The following STK10 variants were observed in gnomAD, a reference collection of about 807,000 sequenced individuals.
The protein encoded by STK10 is serine/threonine kinase 10, also known as serine/threonine-protein kinase 10.
In STK10, 78 loss-of-function variants were observed where a neutral mutation model predicts 113.8. The ratio of observed to expected loss-of-function variants is 0.69; its 90% CI spans 0.57 to 0.83. The LOEUF (loss-of-function observed/expected upper bound fraction) is 0.83. Among genes scored for constraint, STK10 ranks in the 40% least tolerant of loss-of-function variants. STK10 has a pLI of 0.00. For synonymous variants in STK10, 465 were observed against 494.7 expected (o/e 0.94, Z 0.80); for missense variants, 1,109 against 1,280.1 (o/e 0.87, Z 2.04).
At chr5:172,052,664 G>T (rs879258881) in intron 18 of STK10, among the ~76,000 whole-genome samples, 1 of 152,242 alleles carries the variant, frequency 6.6e-6, no homozygotes, top group Non-Finnish European at 1.5e-5. Flanking sequence ...ACTCACTGCA[G>T]CGTCCTCTGT....
intron 13 of STK10, chr5:172,064,518 T>G (rs2113706707): frequency 1.6e-6 from 1 of 608,060 alleles, no homozygotes; most frequent in East Asian, 2.8e-5. Flanking sequence ...ATGGAAGAGC[T>G]TACTTCCAGA....
intron 4 of STK10, among the ~76,000 whole-genome samples, chr5:172,113,221 G>T (rs543369333): frequency 2.6e-5 from 4 of 151,742 alleles, no homozygotes; most frequent in East Asian, 1.9e-4. Context: ...CACTGCACTG[G>T]GGGGGGTGTC....
At position 172,180,419 on chromosome 5, in the gene STK10, C is replaced by T. The variant is rs141268469; in HGVS notation, c.156+7468G>A. 9.2e-3 allele frequency among the ~76,000 whole-genome samples: 1,401 copies of T among 152,096 alleles called. 28 individuals are homozygous for T. The highest frequency in any genetic ancestry group is 0.032 in the African/African-American group (1,339 of 41,474). ...GGCGGAGGTTGCAGTAAGCCGAGTT[C>T]GTGCCACTGCACTCCAGCCTGGGCG... On this transcript the variant is annotated intron_variant, in intron 1 of 18. Coordinates refer to ENST00000176763, the MANE Select transcript of STK10 (RefSeq NM_005990.4).
chr5:172,137,941 C>A (rs1769900951), intron 2 of STK10, among the ~76,000 whole-genome samples: 1 of 149,238 alleles, frequency 6.7e-6, no homozygotes, highest in Admixed American at 6.7e-5. Flanking sequence ...ATTAAAAATG[C>A]ACAATTAACA....
intron 1 of STK10, among the ~76,000 whole-genome samples, chr5:172,170,374 G>GGA (rs1401871698): frequency 6.6e-6 from 1 of 152,148 alleles, no homozygotes; most frequent in East Asian, 1.9e-4. Context: ...GATGTACACA[G>GGA]CTGAGTCCTG....
chr5:172,136,583 C>T (rs542254512), intron 2 of STK10, among the ~76,000 whole-genome samples: 1 of 150,164 alleles, frequency 6.7e-6, no homozygotes, highest in East Asian at 1.9e-4. Flanking sequence ...GGCGACAGAG[C>T]GAGACTCCGT....
chr5:172,051,571 G>GC (rs938139155), intron 18 of STK10, among the ~76,000 whole-genome samples: 3 of 152,230 alleles, frequency 2.0e-5, no homozygotes, highest in African/African-American at 7.2e-5. Flanking sequence ...GTTGCAGTGA[G>GC]CTGAGATGGC....
rs551539428 is a variant in STK10, at chr5:172,065,114, T to G, written c.1990-302A>C. On this transcript the variant is annotated intron_variant, in intron 12 of 18. Transcript: ENST00000176763. Reference sequence around the variant, plus strand: ...ACCTCAGTTTCCTGCAGGGAAGTGTTTCTCAACCTTTTTAAAAAATTACAG... The same window carrying G: ...ACCTCAGTTTCCTGCAGGGAAGTGTGTCTCAACCTTTTTAAAAAATTACAG... 4.6e-5 allele frequency among the ~76,000 whole-genome samples: 7 copies of G among 152,284 alleles called. 1 individual carries two copies. In the East Asian group the frequency reaches 1.4e-3, roughly 29 times the overall value.
chr5:172,181,766 G>A (rs923850948), intron 1 of STK10, among the ~76,000 whole-genome samples: 7 of 151,790 alleles, frequency 4.6e-5, no homozygotes, highest in Non-Finnish European at 8.8e-5. Context: ...AGCCAAGATC[G>A]CGCTAATGCA....
At chr5:172,173,551 G>A (rs6884456) in intron 1 of STK10, among the ~76,000 whole-genome samples, 70,617 of 152,056 alleles carry the variant, frequency 0.46, 18,838 homozygotes, top group African/African-American at 0.75. Context: ...GGGCAGGCAC[G>A]GAGCTGAGAC....
rs1292764710 is a variant in STK10 at position 172,053,713 on chromosome 5, G to A, written c.2653-671C>T. Among the ~76,000 whole-genome samples the A allele has an allele frequency of 2.0e-5, 3 of 152,236 alleles. No individual in the cohort carries two copies. In the East Asian group the frequency reaches 5.8e-4, roughly 29 times the overall value. Reference sequence around the variant, plus strand: ...TTTATCCAGATACCACGACCCTACTGGGTTGGAAAAGTAGAATCCTTTGGG... The same window carrying A: ...TTTATCCAGATACCACGACCCTACTAGGTTGGAAAAGTAGAATCCTTTGGG... On this transcript the variant is annotated intron_variant, in intron 17 of 18. Coordinates refer to ENST00000176763, the MANE Select transcript of STK10 (RefSeq NM_005990.4).
intron 2 of STK10, among the ~76,000 whole-genome samples, chr5:172,150,277 T>G (rs112313645): frequency 8.6e-5 from 13 of 151,148 alleles, no homozygotes; most frequent in African/African-American, 2.4e-4. Context: ...GGTCAGGAGT[T>G]CAAGAACAGT....
chr5:172,127,204 C>T (rs1432897325), intron 3 of STK10, among the ~76,000 whole-genome samples, 169 bp downstream of exon 3: 2 of 152,092 alleles, frequency 1.3e-5, no homozygotes, highest in Non-Finnish European at 2.9e-5. Context: ...AGAACCCACA[C>T]CCTGCTCCCA....
At chr5:172,057,327 C>A in intron 15 of STK10, 22 bp downstream of exon 15, 1 of 1,577,796 alleles carries the variant, frequency 6.3e-7, no homozygotes, top group Non-Finnish European at 8.6e-7. Flanking sequence ...AGATCCGAGC[C>A]CCGTGCCACC....
At chr5:172,054,771 C>G (rs144527083) in intron 16 of STK10, 77 bp from the exon 17 acceptor site, 9 of 1,582,682 alleles carry the variant, frequency 5.7e-6, no homozygotes, top group Non-Finnish European at 7.7e-6. Flanking sequence ...TCAGCCCTGG[C>G]CCAGGGAGAC....
rs774354310 is a variant in STK10, at chr5:172,105,749, G to C, written c.789-12C>G. The C allele has an allele frequency of 3.7e-6, 6 of 1,613,336 alleles. No individual in the cohort carries two copies. ...GGAACTCTACAGACCTGGGAGGACAGGCGTCAGAGGTAAGCATGGAGGAGG... is the reference window on the plus strand; with the variant it reads ...GGAACTCTACAGACCTGGGAGGACACGCGTCAGAGGTAAGCATGGAGGAGG... On this transcript the variant is annotated splice_polypyrimidine_tract_variant and intron_variant, in intron 6 of 18. Transcript: ENST00000176763.
chr5:172,091,314 A>G (rs10042594), intron 9 of STK10, among the ~76,000 whole-genome samples: 32,464 of 152,058 alleles, frequency 0.21, 4,912 homozygotes, highest in African/African-American at 0.43. Context: ...CCCACCTGCT[A>G]GGAGTCACCA....
rs775227575 is a variant in STK10 at position 172,055,661 on chromosome 5, A to G, written c.2453T>C (p.Met818Thr). ...KIQRSEGKTRMAMYKKSLHIN... is the reference protein window; with the variant it reads ...KIQRSEGKTRTAMYKKSLHIN... Reference sequence around the variant, plus strand: ...GTGGAGGCTCTTCTTGTACATGGCCATGCGCGTCTTGCCCTCACTCCTCTG... The same window carrying G: ...GTGGAGGCTCTTCTTGTACATGGCCGTGCGCGTCTTGCCCTCACTCCTCTG... Residue 818 changes from methionine to threonine, a missense_variant, in exon 16 of 19, where the codon ATG (methionine) becomes ACG (threonine). Around this residue, in one of 5 missense-constraint regions of STK10, gnomAD observed 885 missense variants for 991.1 expected, o/e 0.89. Coordinates refer to ENST00000176763, the MANE Select transcript of STK10 (RefSeq NM_005990.4). The G allele has an allele frequency of 3.2e-6, 5 of 1,581,844 alleles. No individual in the cohort carries two copies. The highest frequency in any genetic ancestry group is 2.7e-5 in the African/African-American group (2 of 73,676).
At chr5:172,102,497 T>C (rs1274773976) in intron 7 of STK10, among the ~76,000 whole-genome samples, 1 of 151,960 alleles carries the variant, frequency 6.6e-6, no homozygotes, top group East Asian at 1.9e-4. Flanking sequence ...GCACGCTGGG[T>C]GCGTGGAGAT....
Sources: gnomAD v4.1 joint callset for allele counts (sites outside exome capture counted in the v4.1 genomes callset) on GRCh38, gnomAD v4.1.1 for gene constraint, gnomAD v4.1.1 regional missense constraint, MANE v1.5 for transcripts, NCBI Gene and HGNC (gene_info 2026-07-23, HGNC 2026-07-21) for gene names.